The following CNTN5 variants were observed in gnomAD, a reference collection of about 807,000 sequenced individuals.
The protein encoded by CNTN5 is contactin 5.
In CNTN5, 77 loss-of-function variants were observed where a neutral mutation model predicts 129.1. The ratio of observed to expected loss-of-function variants is 0.60; its 90% CI spans 0.50 to 0.72. The LOEUF is 0.72. Among genes scored for constraint, CNTN5 ranks in the 30% least tolerant of loss-of-function variants. The pLI is 0.00. For synonymous variants in CNTN5, 509 were observed against 465.6 expected (o/e 1.09, Z -1.20); for missense variants, 1,478 against 1,328.8 (o/e 1.11, Z -1.75).
intron 2 of CNTN5, among the ~76,000 whole-genome samples, chr11:99,448,323 A>C (rs1944153291): frequency 6.6e-6 from 1 of 152,204 alleles, no homozygotes; most frequent in Non-Finnish European, 1.5e-5. Flanking sequence ...TGACTACATT[A>C]ATAAGTTTAC....
intron 7 of CNTN5, among the ~76,000 whole-genome samples, chr11:99,939,869 G>T (rs986440658): frequency 2.0e-5 from 3 of 152,128 alleles, no homozygotes; most frequent in Non-Finnish European, 2.9e-5. Context: ...AGGAGGTATT[G>T]TGTTCTGCTC....
intron 9 of CNTN5, among the ~76,000 whole-genome samples, chr11:100,050,056 A>T (rs1169760107): frequency 6.6e-6 from 1 of 152,208 alleles, no homozygotes; most frequent in Non-Finnish European, 1.5e-5. Context: ...CCATTGTGGA[A>T]GTCAGTGTGG....
chr11:100,098,981 G>A (rs1565238375), intron 13 of CNTN5, among the ~76,000 whole-genome samples: 1 of 152,028 alleles, frequency 6.6e-6, no homozygotes, highest in Non-Finnish European at 1.5e-5. Flanking sequence ...ACTGGTCAAA[G>A]TATGTCACAG....
At chr11:99,114,112 T>C (rs1275277576) in intron 1 of CNTN5, among the ~76,000 whole-genome samples, 2 of 152,194 alleles carry the variant, frequency 1.3e-5, no homozygotes, top group African/African-American at 4.8e-5. Flanking sequence ...AATTGACCTT[T>C]TGCACTATTA....
chr11:100,203,220 T>G (rs1948826608), intron 15 of CNTN5, among the ~76,000 whole-genome samples: 1 of 152,084 alleles, frequency 6.6e-6, no homozygotes, highest in Admixed American at 6.6e-5. Flanking sequence ...AGATGTTCTG[T>G]GGGTGTGTTT....
intron 1 of CNTN5, among the ~76,000 whole-genome samples, chr11:99,072,067 G>T (rs1257173245): frequency 6.6e-6 from 1 of 152,000 alleles, no homozygotes; most frequent in Non-Finnish European, 1.5e-5. Flanking sequence ...CCATTTATAT[G>T]AAGTTGACCA....
At chr11:99,998,279 C>T (rs1939596763) in intron 8 of CNTN5, among the ~76,000 whole-genome samples, 1 of 151,958 alleles carries the variant, frequency 6.6e-6, no homozygotes, top group South Asian at 2.1e-4. Flanking sequence ...CCAAAACCTC[C>T]TCAAGCTGAT....
At chr11:100,111,770 C>T (rs75408767) in intron 13 of CNTN5, among the ~76,000 whole-genome samples, 1 of 152,046 alleles carries the variant, frequency 6.6e-6, no homozygotes, top group Non-Finnish European at 1.5e-5. Flanking sequence ...AAATTTTATG[C>T]CTGTTGATTA....
At chr11:99,994,373 G>C (rs185473812) in intron 8 of CNTN5, among the ~76,000 whole-genome samples, 3 of 151,962 alleles carry the variant, frequency 2.0e-5, no homozygotes, top group Non-Finnish European at 1.5e-5. Context: ...ATATAAAAGT[G>C]GGTTCTACAA....
intron 8 of CNTN5, among the ~76,000 whole-genome samples, chr11:100,000,939 C>T (rs1047124491): frequency 6.6e-6 from 1 of 152,124 alleles, no homozygotes; most frequent in Non-Finnish European, 1.5e-5. Flanking sequence ...ACACGAGACA[C>T]CATGTCTCGA....
chr11:99,199,455 A>G lies in CNTN5; in HGVS notation c.-209-125891A>G, dbSNP rs111500588. ...GCAATAACACAATATGACATTCTAC[A>G]AATCAAAGTGCTTTAAAACAACAAC... On this transcript the variant is annotated intron_variant, in intron 1 of 24. Transcript: ENST00000524871. 7.2e-5 allele frequency among the ~76,000 whole-genome samples: 11 copies of G among 152,322 alleles called. 1 individual carries two copies. The highest frequency in any genetic ancestry group is 2.2e-4 in the African/African-American group (9 of 41,582).
At chr11:100,298,605 T>C (rs1421423960) in intron 19 of CNTN5, among the ~76,000 whole-genome samples, 1 of 151,380 alleles carries the variant, frequency 6.6e-6, no homozygotes, top group Admixed American at 6.6e-5. Context: ...CAATTACTCC[T>C]TTCTATGGTG....
chr11:99,733,710 C>T (rs774409553), intron 3 of CNTN5, among the ~76,000 whole-genome samples: 10 of 152,070 alleles, frequency 6.6e-5, no homozygotes, highest in Non-Finnish European at 1.0e-4. Flanking sequence ...TGATGGAGGG[C>T]GGTGAGGGGA....
rs137951583 is a variant in CNTN5, at chr11:99,583,773, C to T, written c.55+27504C>T. Among the ~76,000 whole-genome samples the T allele has an allele frequency of 3.5e-3, 529 of 152,222 alleles. 2 individuals are homozygous for T. The highest frequency in any genetic ancestry group is 3.1e-3 in the Non-Finnish European group (214 of 68,012). ...GAATTCCTTGACCCCTTGTGCTTCC[C>T]GGGTGAGGGGATGCCTCACCCTGCT... On this transcript the variant is annotated intron_variant, in intron 3 of 24. Coordinates refer to ENST00000524871, the MANE Select transcript of CNTN5 (RefSeq NM_014361.4).
In CNTN5 at chr11:99,863,025, T is replaced by C. The variant is rs117359498; in HGVS notation, c.577+17763T>C. On this transcript the variant is annotated intron_variant, in intron 6 of 24. Transcript: ENST00000524871. ...TAGGTCATCAACTTGTATTGCTTTA[T>C]TATAAAATATTAATCATAATAAACT... 8.1e-3 allele frequency among the ~76,000 whole-genome samples: 1,235 copies of C among 152,272 alleles called. 13 individuals are homozygous for C. Among genetic ancestry groups the C allele is most frequent in the Non-Finnish European group, 9.9e-3 (674 of 68,000 alleles).
intron 16 of CNTN5, among the ~76,000 whole-genome samples, chr11:100,239,460 TTA>T (rs1460401116): frequency 1.7e-4 from 26 of 152,090 alleles, no homozygotes; most frequent in Non-Finnish European, 2.6e-4. Context: ...TAAATATTTA[TTA>T]TAAAATGGAG....
intron 7 of CNTN5, among the ~76,000 whole-genome samples, chr11:99,952,729 A>G (rs1017389689): frequency 3.2e-4 from 49 of 152,304 alleles, no homozygotes; most frequent in African/African-American, 1.1e-3. Context: ...AGAACAAATT[A>G]TAAATATGAT....
chr11:100,085,575 A>G (rs1193032915), intron 13 of CNTN5, among the ~76,000 whole-genome samples: 1 of 152,248 alleles, frequency 6.6e-6, no homozygotes, highest in Admixed American at 6.6e-5. Flanking sequence ...TAAAACTAAT[A>G]TAGACACCTA....
At chr11:99,153,354 G>A (rs1415298488) in intron 1 of CNTN5, among the ~76,000 whole-genome samples, 1 of 151,768 alleles carries the variant, frequency 6.6e-6, no homozygotes, top group Non-Finnish European at 1.5e-5. Context: ...TAAATTTTTT[G>A]TCAGATGGAG....
Sources: allele counts gnomAD v4.1 joint callset (sites outside exome capture counted in the v4.1 genomes callset), GRCh38; gene constraint gnomAD v4.1.1; transcripts MANE v1.5; gene names NCBI Gene and HGNC (gene_info 2026-07-23, HGNC 2026-07-21).